Variants in MAPKBP1 observed in about 807,000 individuals in gnomAD.
MAPKBP1 encodes mitogen-activated protein kinase binding protein 1.
In MAPKBP1, 71 loss-of-function variants were observed where a neutral mutation model predicts 170.5. The observed-to-expected ratio is 0.42, with a 90% CI of 0.34 to 0.51. The LOEUF (loss-of-function observed/expected upper bound fraction) is 0.51. MAPKBP1 is among the 20% of genes least tolerant of loss of function. The pLI, the probability that MAPKBP1 is intolerant of heterozygous loss-of-function variation, is 0.06. For missense variants in MAPKBP1, 1,598 were observed against 1,933.0 expected, an observed-to-expected ratio of 0.83 and a Z score of 3.25; for synonymous variants, 719 against 757.9, an observed-to-expected ratio of 0.95 and a Z score of 0.84.
rs528732214 is a variant in MAPKBP1 at position 41,775,399 on chromosome 15, G to A, written c.114+10G>A. On this transcript the variant is annotated intron_variant, in intron 2 of 30. Coordinates refer to ENST00000457542, the MANE Select transcript of MAPKBP1 (RefSeq NM_014994.3). ...GGACCTCAGCTCCAAGGTGAGTCCT[G>A]TTGGGATCCACCTCTTTCCAAACCC... The A allele has an allele frequency of 5.0e-6, 8 of 1,600,848 alleles. No homozygotes were observed. In the South Asian group the frequency reaches 6.6e-5, roughly 13 times the overall value.
intron 2 of MAPKBP1, among the ~76,000 whole-genome samples, chr15:41,783,027 G>A (rs753592381): frequency 5.9e-5 from 9 of 152,206 alleles, no homozygotes; most frequent in Non-Finnish European, 1.3e-4. Context: ...GTATGTGAAT[G>A]TCAGGTTGGC....
At chr15:41,808,251 T>TG (rs2064738449) in intron 3 of MAPKBP1, among the ~76,000 whole-genome samples, 2 of 149,826 alleles carry the variant, frequency 1.3e-5, no homozygotes. Context: ...GGACTACAGG[T>TG]GCCCGCCACC....
chr15:41,781,112 G>C (rs531956240), intron 2 of MAPKBP1, among the ~76,000 whole-genome samples: 1 of 143,160 alleles, frequency 7.0e-6, no homozygotes, highest in Admixed American at 7.2e-5. Context: ...GTCTCACTCT[G>C]TCACCTAGGC....
chr15:41,813,218 A>C (rs921907586), intron 8 of MAPKBP1, 117 bp downstream of exon 8: 2 of 1,519,012 alleles, frequency 1.3e-6, no homozygotes, highest in African/African-American at 2.8e-5. Flanking sequence ...ATCCCAGGAG[A>C]ACGAAGCTTG....
At chr15:41,813,521 T>G in intron 8 of MAPKBP1, 100 bp from the exon 9 acceptor site, 1 of 1,519,898 alleles carries the variant, frequency 6.6e-7, no homozygotes, top group Non-Finnish European at 9.0e-7. Flanking sequence ...GCCCCTGCCT[T>G]GGCCGGTCCC....
chr15:41,805,591 G>A lies in MAPKBP1; in HGVS notation c.207-5292G>A, dbSNP rs563258038. Among the ~76,000 whole-genome samples the A allele has an allele frequency of 1.2e-4, 19 of 152,330 alleles. No individual in the cohort carries two copies. The East Asian group carries it at 3.7e-3, about 29-fold the overall frequency. On this transcript the variant is annotated intron_variant, in intron 3 of 30. Coordinates refer to ENST00000457542, the MANE Select transcript of MAPKBP1 (RefSeq NM_014994.3). ...GAGACCTCTTGGTTGATTTAAGTGG[G>A]GAGGAGAAGAGGGAACCCCTGCTCT...
intron 9 of MAPKBP1, 42 bp downstream of exon 9, chr15:41,813,823 C>A: frequency 5.2e-6 from 8 of 1,536,520 alleles, no homozygotes; most frequent in Non-Finnish European, 5.2e-6. Context: ...GTAGCCTTAC[C>A]CCTGCCCAGT....
chr15:41,810,352 T>A (rs2064780197), intron 3 of MAPKBP1, among the ~76,000 whole-genome samples: 1 of 151,922 alleles, frequency 6.6e-6, no homozygotes, highest in South Asian at 2.1e-4. Context: ...CAGGGAACCC[T>A]TTCACCCTCA....
intron 2 of MAPKBP1, among the ~76,000 whole-genome samples, chr15:41,799,275 T>G (rs760431800): frequency 3.3e-5 from 5 of 152,166 alleles, no homozygotes; most frequent in Admixed American, 6.5e-5. Flanking sequence ...GTAGTCTGTA[T>G]GAACTGGCAG....
chr15:41,819,656 T>A lies in MAPKBP1; in HGVS notation c.2481+6T>A. On this transcript the variant is annotated splice_donor_region_variant and intron_variant, in intron 22 of 30. Coordinates refer to ENST00000457542, the MANE Select transcript of MAPKBP1 (RefSeq NM_014994.3). The stretch of plus-strand genomic sequence containing the variant: ...CCCACTGGGAGATGAGTCGGGTGAG[T>A]CGCCATTGTTAAAATGTTCTTCCAA... The A allele has an allele frequency of 6.2e-7, 1 of 1,606,798 alleles. No homozygotes were observed. Among genetic ancestry groups the A allele is most frequent in the South Asian group, 1.1e-5 (1 of 90,728 alleles).
In MAPKBP1 at chr15:41,823,551, C is replaced by T; in HGVS notation, c.3703C>T (p.Pro1235Ser). Residue 1235 changes from proline (P) to serine (S), a missense_variant, in exon 29 of 31, where the codon CCG (proline) becomes TCG (serine). This residue lies in a region of MAPKBP1 where 942 missense variants were observed against 953.2 expected (regional missense o/e 0.99). Coordinates refer to ENST00000457542, the MANE Select transcript of MAPKBP1 (RefSeq NM_014994.3). The part of the protein sequence containing the change: ...LGSLPPADGR[P>S]SRPHSYQNPT... ...CTCCCTGCCCCCAGCTGATGGCCGT[C>T]CGTCTCGGCCTCACTCCTATCAGAA... The T allele has an allele frequency of 6.2e-7, 1 of 1,614,182 alleles. No individual in the cohort carries two copies. The highest frequency in any genetic ancestry group is 8.5e-7 in the Non-Finnish European group (1 of 1,180,018).
In MAPKBP1 at chr15:41,799,914, G is replaced by A; in HGVS notation, c.206G>A (p.Gly69Glu). Reference sequence around the variant, plus strand: ...TCAGGTTTAGTTGCTTACCCAGCAGGGTAAGTAAGCGCCTTGGAAGAGATC... The same window carrying A: ...TCAGGTTTAGTTGCTTACCCAGCAGAGTAAGTAAGCGCCTTGGAAGAGATC... ...PRSGLVAYPA[G>E]CVVVLFNPRK... The change falls in exon 3 of 31, where the codon GGG becomes GAG. Residue 69 changes from glycine to glutamate, a missense_variant and splice_region_variant. Coordinates refer to ENST00000457542, the MANE Select transcript of MAPKBP1 (RefSeq NM_014994.3). The A allele has an allele frequency of 6.2e-7, 1 of 1,614,012 alleles. No individual in the cohort carries two copies. Among genetic ancestry groups the A allele is most frequent in the Non-Finnish European group, 8.5e-7 (1 of 1,179,908 alleles).
chr15:41,801,017 G>A (rs560865309), intron 3 of MAPKBP1, among the ~76,000 whole-genome samples: 1 of 152,354 alleles, frequency 6.6e-6, no homozygotes, highest in Admixed American at 6.5e-5. Context: ...TTACAGGCGT[G>A]AGCCACCACG....
At chr15:41,810,978 C>T (rs373813643) in intron 4 of MAPKBP1, 33 bp downstream of exon 4, 105 of 1,612,296 alleles carry the variant, frequency 6.5e-5, no homozygotes, top group Non-Finnish European at 8.6e-5. Flanking sequence ...GATACCTCTT[C>T]CTTCTGGGAG....
chr15:41,812,724 C>G (rs1327443594), intron 7 of MAPKBP1, 71 bp downstream of exon 7: 3 of 1,520,484 alleles, frequency 2.0e-6, no homozygotes, highest in African/African-American at 2.8e-5. Context: ...CCAGGAGACT[C>G]TGCCCCACTT....
chr15:41,815,397 C>T lies in MAPKBP1; in HGVS notation c.1309C>T (p.Leu437Phe). 1 of 1,614,220 alleles carries T rather than the reference C, an allele frequency of 6.2e-7. No homozygotes were observed. Among genetic ancestry groups the T allele is most frequent in the Admixed American group, 1.7e-5 (1 of 60,034 alleles). The change falls in exon 11 of 31, where the codon CTC (leucine) becomes TTC (phenylalanine). Residue 437 changes from leucine to phenylalanine, a missense_variant. Leu to Phe is a conservative substitution (Grantham distance 22). This residue lies in a region of MAPKBP1 where 430 missense variants were observed against 617.2 expected (regional missense o/e 0.70). Transcript: ENST00000457542. ...TGGCTCCACCCTCCACCGAAACATCCTCAGCAGTGTGAGCCCTGAGGCTGT... is the reference window on the plus strand; with the variant it reads ...TGGCTCCACCCTCCACCGAAACATCTTCAGCAGTGTGAGCCCTGAGGCTGT... The part of the protein sequence containing the change: ...VHGSTLHRNI[L>F]SSDLIKIIYV...
At chr15:41,820,143 C>T (rs1188032396) in intron 22 of MAPKBP1, among the ~76,000 whole-genome samples, 5 of 152,160 alleles carry the variant, frequency 3.3e-5, no homozygotes, top group South Asian at 2.1e-4. Flanking sequence ...CATAACTCAG[C>T]GACTGCCCTG....
At chr15:41,807,450 G>A (rs980916022) in intron 3 of MAPKBP1, among the ~76,000 whole-genome samples, 1 of 152,214 alleles carries the variant, frequency 6.6e-6, no homozygotes, top group Admixed American at 6.5e-5. Context: ...TTCTGGATTT[G>A]GAATATGGTT....
chr15:41,790,664 A>G (rs1455509719), intron 2 of MAPKBP1, among the ~76,000 whole-genome samples: 1 of 152,168 alleles, frequency 6.6e-6, no homozygotes, highest in East Asian at 1.9e-4. Flanking sequence ...TCACATTGGA[A>G]GTTATTTGTT....
Sources: allele counts gnomAD v4.1 joint callset (sites outside exome capture counted in the v4.1 genomes callset), GRCh38; gene constraint gnomAD v4.1.1; regional missense constraint gnomAD v4.1.1; transcripts MANE v1.5; gene names NCBI Gene and HGNC (gene_info 2026-07-23, HGNC 2026-07-21).